MYO6: variants seen among roughly 807,000 people sequenced by gnomAD.
MYO6 encodes unconventional myosin-VI.
In MYO6, 74 loss-of-function variants were observed where a neutral mutation model predicts 178.7. The observed-to-expected ratio is 0.41, with a 90% confidence interval of 0.34 to 0.50. The LOEUF (loss-of-function observed/expected upper bound fraction) is 0.50, where lower values mean the gene tolerates loss of function less well. Ranked by LOEUF, MYO6 falls within the 20% of genes least tolerant of loss-of-function variation. MYO6 has a pLI of 0.09. For missense variants in MYO6, 1,330 were observed against 1,547.4 expected, an observed-to-expected ratio of 0.86 and a Z score of 2.36; for synonymous variants, 477 against 504.6, an observed-to-expected ratio of 0.95 and a Z score of 0.73.
intron 22 of MYO6, among the ~76,000 whole-genome samples, chr6:75,881,233 G>C (rs1220097067): frequency 6.6e-6 from 1 of 152,118 alleles, no homozygotes; most frequent in Non-Finnish European, 1.5e-5. Context: ...AAGGTTGGGG[G>C]TGGGTAATGG....
At chr6:75,752,296 A>C (rs554196032) in intron 1 of MYO6, among the ~76,000 whole-genome samples, 1 of 152,234 alleles carries the variant, frequency 6.6e-6, no homozygotes, top group East Asian at 1.9e-4. Context: ...TATGATACCC[A>C]TAATGAGATA....
chr6:75,806,109 A>T lies in MYO6; in HGVS notation c.-47-11392A>T, dbSNP rs1770055123. On this transcript the variant is annotated intron_variant, in intron 1 of 34. Coordinates refer to ENST00000369977, the MANE Select transcript of MYO6 (RefSeq NM_004999.4). The stretch of plus-strand genomic sequence containing the variant: ...GTATTTAAATATTTAGGATTCCAAA[A>T]ACAATTAAATGAAGACATTAAAAAA... Among the ~76,000 whole-genome samples, 3 of 152,194 alleles carry T rather than the reference A, an allele frequency of 2.0e-5. No homozygotes were observed. In the South Asian group the frequency reaches 6.2e-4, roughly 31 times the overall value.
chr6:75,848,671 A>G, intron 11 of MYO6, 140 bp downstream of exon 11: 2 of 788,936 alleles, frequency 2.5e-6, no homozygotes, highest in South Asian at 3.8e-5. Context: ...TAAATGTTGA[A>G]TCTCCCAAAT....
intron 28 of MYO6, 21 bp from the exon 29 acceptor site, chr6:75,895,210 T>G (rs1291082717): frequency 3.2e-6 from 5 of 1,585,356 alleles, no homozygotes; most frequent in Non-Finnish European, 4.3e-6. Context: ...CGATATTAAC[T>G]AAAATATATT....
At chr6:75,848,673 C>G in intron 11 of MYO6, 142 bp downstream of exon 11, 1 of 787,786 alleles carries the variant, frequency 1.3e-6, no homozygotes, top group Non-Finnish European at 2.0e-6. Flanking sequence ...AATGTTGAAT[C>G]TCCCAAATGA....
At chr6:75,817,393 GTGTT>G (rs1306472093) in intron 1 of MYO6, 104 bp from the exon 2 acceptor site, 2 of 691,744 alleles carry the variant, frequency 2.9e-6, no homozygotes, top group Admixed American at 2.0e-5. Flanking sequence ...ATGGGCAGAT[GTGTT>G]TGTTAGTTGG....
chr6:75,873,384 C>T, intron 20 of MYO6, 84 bp downstream of exon 20: 1 of 1,065,052 alleles, frequency 9.4e-7, no homozygotes. Flanking sequence ...AAATAATTCA[C>T]CATTATCTTG....
chr6:75,847,303 A>G (rs969401306), intron 10 of MYO6, among the ~76,000 whole-genome samples: 1 of 152,114 alleles, frequency 6.6e-6, no homozygotes, highest in Non-Finnish European at 1.5e-5. Flanking sequence ...AATTTTGTGG[A>G]AAGACAATTA....
intron 18 of MYO6, chr6:75,867,461 C>T (rs566868900): frequency 3.6e-5 from 8 of 222,078 alleles, no homozygotes; most frequent in South Asian, 2.0e-4. Context: ...TAGTCCAGCT[C>T]GGGATGGCTA....
chr6:75,762,695 C>T (rs1043001800), intron 1 of MYO6, among the ~76,000 whole-genome samples: 2 of 152,164 alleles, frequency 1.3e-5, no homozygotes, highest in Admixed American at 1.3e-4. Flanking sequence ...CTCCAGCCTC[C>T]GCTGCCAGTG....
chr6:75,812,316 T>G (rs1034763076), intron 1 of MYO6, among the ~76,000 whole-genome samples: 39 of 152,286 alleles, frequency 2.6e-4, no homozygotes, highest in East Asian at 1.5e-3. Flanking sequence ...TAAATTTTTT[T>G]TGTGTGTGTT....
intron 30 of MYO6, among the ~76,000 whole-genome samples, chr6:75,902,517 T>G (rs1317496069): frequency 1.2e-4 from 18 of 152,054 alleles, no homozygotes; most frequent in African/African-American, 2.9e-4. Context: ...TTGCGTAGAG[T>G]TGTTTGTAGT....
At chr6:75,872,148 A>AAAATAT (rs1777208598) in intron 19 of MYO6, among the ~76,000 whole-genome samples, 1 of 152,122 alleles carries the variant, frequency 6.6e-6, no homozygotes, top group Non-Finnish European at 1.5e-5. Context: ...AATAAAAATA[A>AAAATAT]AAATAAATGA....
At chr6:75,756,968 CATATATAGTGTGTATATATGT>C (rs1777436557) in intron 1 of MYO6, among the ~76,000 whole-genome samples, 1 of 25,386 alleles carries the variant, frequency 3.9e-5, no homozygotes, top group Non-Finnish European at 1.1e-4. Flanking sequence ...TGTATACACA[CATATATAGTGTGTATATATGT>C]ATACACACAT....
intron 1 of MYO6, among the ~76,000 whole-genome samples, chr6:75,802,779 A>G (rs913725996): frequency 6.6e-6 from 1 of 152,138 alleles, no homozygotes; most frequent in Non-Finnish European, 1.5e-5. Context: ...GAGCCACTGC[A>G]CCTGGTGGAA....
At chr6:75,894,867 T>C in intron 28 of MYO6, 1 of 1,397,008 alleles carries the variant, frequency 7.2e-7, no homozygotes, top group Non-Finnish European at 9.8e-7. Flanking sequence ...ATGTATGTCA[T>C]ATGTTCTGAA....
At chr6:75,844,793 TA>T in intron 9 of MYO6, 103 bp from the exon 10 acceptor site, 1 of 881,730 alleles carries the variant, frequency 1.1e-6, no homozygotes, top group Non-Finnish European at 1.9e-6. Context: ...AAGTTGTGTT[TA>T]GAAATTCTTC....
chr6:75,891,346 C>G, intron 27 of MYO6, 40 bp downstream of exon 27: 1 of 1,490,516 alleles, frequency 6.7e-7, no homozygotes, highest in Non-Finnish European at 9.3e-7. Flanking sequence ...AAAATGGAAC[C>G]TACAGGCTGG....
At chr6:75,891,673 C>T (rs1482762299) in intron 27 of MYO6, among the ~76,000 whole-genome samples, 1 of 151,860 alleles carries the variant, frequency 6.6e-6, no homozygotes, top group Non-Finnish European at 1.5e-5. Context: ...TAAAATGGAA[C>T]CTATGAAAGA....
Sources: gnomAD v4.1 joint callset for allele counts (sites outside exome capture counted in the v4.1 genomes callset) on GRCh38, gnomAD v4.1.1 for gene constraint, MANE v1.5 for transcripts, NCBI Gene and HGNC (gene_info 2026-07-23, HGNC 2026-07-21) for gene names.